The following RHD variants were observed in gnomAD, a reference collection of about 807,000 sequenced individuals.
RHD encodes the protein Rh blood group D antigen.
RHD carries 16 observed loss-of-function variants against 45.5 expected under a neutral mutation model. The observed-to-expected ratio is 0.35, with a 90% CI of 0.24 to 0.53. RHD has a LOEUF of 0.53. Ranked by LOEUF, RHD falls within the 20% of genes least tolerant of loss-of-function variation. The pLI is 0.92. For synonymous variants in RHD, 131 were observed against 217.5 expected (o/e 0.60, Z 3.50); for missense variants, 306 against 532.0 (o/e 0.58, Z 4.18).
At position 25,279,865 on chromosome 1, in the gene RHD, C is replaced by A. The variant is rs1641321990; in HGVS notation, c.149-4708C>A. 8.5e-5 allele frequency among the ~76,000 whole-genome samples: 11 copies of A among 129,936 alleles called. 3 individuals are homozygous for A. Among genetic ancestry groups the A allele is most frequent in the Admixed American group, 8.2e-4 (11 of 13,428 alleles). The allele number at this position is 129,936 out of a possible 152,430, so 85.2% of individuals were successfully genotyped here. A position where few individuals can be genotyped will look rare whatever the true frequency, so the allele number is the denominator to read the frequency against. Reference sequence around the variant, plus strand: ...GGGTAGCACATCCACTTCTTATCACCCCTGAACACCTTAGAGCCCATCAGC... The same window carrying A: ...GGGTAGCACATCCACTTCTTATCACACCTGAACACCTTAGAGCCCATCAGC... On this transcript the variant is annotated intron_variant, in intron 1 of 9. Transcript: ENST00000328664.
At position 25,294,243 on chromosome 1, in the gene RHD, A is replaced by G. The variant is rs979109166; in HGVS notation, c.486+3452A>G. On this transcript the variant is annotated intron_variant, in intron 3 of 9. Transcript: ENST00000328664. Reference sequence around the variant, plus strand: ...GAAATAGCAAAGCCCAGCAAAGGTTAAAGCTGAAAATGCCAAAAGCCCTGC... The same window carrying G: ...GAAATAGCAAAGCCCAGCAAAGGTTGAAGCTGAAAATGCCAAAAGCCCTGC... 946 of 897,010 alleles carry G rather than the reference A, an allele frequency of 1.1e-3. 172 individuals carry two copies. Among genetic ancestry groups the G allele is most frequent in the Non-Finnish European group, 1.6e-3 (851 of 543,818 alleles). The allele number at this position is 897,010 out of a possible 1,614,324, so 55.6% of individuals were successfully genotyped here.
chr1:25,304,706 A>C lies in RHD; in HGVS notation c.939+1247A>C, dbSNP rs1369243154. 11 of 132,326 alleles carry C rather than the reference A, an allele frequency of 8.3e-5. 2 individuals carry two copies. The highest frequency in any genetic ancestry group is 2.9e-4 in the African/African-American group (11 of 38,442). The allele number at this position is 132,326 out of a possible 1,614,324, so 8.2% of individuals were successfully genotyped here. ...GGATGGAACTGGAGGTAATTAAAAA[A>C]TAAAATTAAATAAGGAAAAACGTAT... On this transcript the variant is annotated intron_variant, in intron 6 of 9. Coordinates refer to ENST00000328664, the MANE Select transcript of RHD (RefSeq NM_016124.6).
rs1334633828 is a variant in RHD at position 25,277,824 on chromosome 1, G to A, written c.148+5129G>A. 4.0e-5 allele frequency among the ~76,000 whole-genome samples: 5 copies of A among 124,080 alleles called. 1 individual carries two copies. The highest frequency in any genetic ancestry group is 9.5e-5 in the Non-Finnish European group (5 of 52,712). The allele number at this position is 124,080 out of a possible 152,430, so 81.4% of individuals were successfully genotyped here. A position where few individuals can be genotyped will look rare whatever the true frequency, so the allele number is the denominator to read the frequency against. ...CGAGTAGCTGGGATTACAGGCATGC[G>A]CCACCACGCCCGGCTAATTTTGTAT... On this transcript the variant is annotated intron_variant, in intron 1 of 9. Coordinates refer to ENST00000328664, the MANE Select transcript of RHD (RefSeq NM_016124.6).
rs627585 is a variant in RHD, at chr1:25,304,949, G to C, written c.939+1490G>C. 3.0e-4 allele frequency: 39 copies of C among 131,894 alleles called. 7 individuals are homozygous for C. The highest frequency in any genetic ancestry group is 8.1e-4 in the African/African-American group (31 of 38,294). 8.2% of individuals were successfully genotyped at this position (131,894 alleles called of 1,614,324 possible). A position where few individuals can be genotyped will look rare whatever the true frequency, so the allele number is the denominator to read the frequency against. On this transcript the variant is annotated intron_variant, in intron 6 of 9. Coordinates refer to ENST00000328664, the MANE Select transcript of RHD (RefSeq NM_016124.6). ...TGGCAGGACTATTCAAAAATGATTC[G>C]CTCATTCATTCATATATTCATTCAT...
At chr1:25,308,432 C>G (rs1643963757) in intron 7 of RHD, among the ~76,000 whole-genome samples, 1 of 126,678 alleles carries the variant, frequency 7.9e-6, no homozygotes, top group Non-Finnish European at 1.8e-5. Flanking sequence ...CTTGCAAGCT[C>G]AAGTTTTAGA....
In RHD at chr1:25,312,946, A is replaced by AAAAAAAAAAC; in HGVS notation, c.1074-4053_1074-4044dup. 3.7e-5 allele frequency among the ~76,000 whole-genome samples: 4 copies of AAAAAAAAAAC among 109,510 alleles called. 1 individual carries two copies. The highest frequency in any genetic ancestry group is 5.9e-5 in the African/African-American group (2 of 33,872). 71.8% of individuals were successfully genotyped at this position (109,510 alleles called of 152,430 possible). ...AAAAAAAAAAAAAAAAAAAAAAAAA[A>AAAAAAAAAAC]AAAAAAAAACTTTAGTGCTATTGGA... On this transcript the variant is annotated intron_variant, in intron 7 of 9. Transcript: ENST00000328664.
Position 25,275,784 on chromosome 1 carries a change from T to C in RHD, c.148+3089T>C, listed in dbSNP as rs538661717. On this transcript the variant is annotated intron_variant, in intron 1 of 9. Coordinates refer to ENST00000328664, the MANE Select transcript of RHD (RefSeq NM_016124.6). ...TGAAAATTCACTCCTCAGAGTCTTC[T>C]TGATAATTTGAAATTGTCTTGATTG... Among the ~76,000 whole-genome samples, 527 of 132,880 alleles carry C rather than the reference T, an allele frequency of 4.0e-3. 39 individuals are homozygous for C. The highest frequency in any genetic ancestry group is 0.013 in the African/African-American group (512 of 38,944). The allele number at this position is 132,880 out of a possible 152,430, so 87.2% of individuals were successfully genotyped here.
Position 25,306,712 on chromosome 1 carries a change from C to G in RHD, c.1056C>G (p.Val352=), listed in dbSNP as rs751622039. Reference sequence around the variant, plus strand: ...TTGTGCTGCTGGTGCTTGATACCGTCGGAGCCGGCAATGGCATGTGGGTCA... The same window carrying G: ...TTGTGCTGCTGGTGCTTGATACCGTGGGAGCCGGCAATGGCATGTGGGTCA... ...IYIVLLVLDT[V]GAGNGMIGFQ... is the part of the protein sequence containing the mutation. Residue 352 remains valine, a synonymous_variant, in exon 7 of 10, where the codon GTC becomes GTG. Transcript: ENST00000328664. 1 of 1,377,854 alleles carries G rather than the reference C, an allele frequency of 7.3e-7. No homozygotes were observed. The allele number at this position is 1,377,854 out of a possible 1,614,324, so 85.4% of individuals were successfully genotyped here. A position where few individuals can be genotyped will look rare whatever the true frequency, so the allele number is the denominator to read the frequency against.
intron 7 of RHD, among the ~76,000 whole-genome samples, chr1:25,309,089 C>CT (rs1053241096): frequency 7.6e-6 from 1 of 131,618 alleles, no homozygotes; most frequent in Non-Finnish European, 1.8e-5. Flanking sequence ...TGTGGATTAG[C>CT]TACTTGGTGG....
intron 3 of RHD, among the ~76,000 whole-genome samples, chr1:25,295,628 T>G: frequency 9.6e-6 from 1 of 104,486 alleles, no homozygotes; most frequent in East Asian, 2.3e-4. Flanking sequence ...AGACGAGCGG[T>G]CAAGGAGCCG....
At chr1:25,300,377 T>A (rs1165521122) in intron 3 of RHD, among the ~76,000 whole-genome samples, 1 of 129,964 alleles carries the variant, frequency 7.7e-6, no homozygotes, top group East Asian at 2.0e-4. Context: ...CCAGGCATGG[T>A]TGTACATTCC....
At position 25,279,839 on chromosome 1, in the gene RHD, C is replaced by T. The variant is rs1337211621; in HGVS notation, c.149-4734C>T. 9.2e-5 allele frequency among the ~76,000 whole-genome samples: 12 copies of T among 130,588 alleles called. 4 individuals are homozygous for T. Among genetic ancestry groups the T allele is most frequent in the African/African-American group, 2.1e-4 (8 of 37,298 alleles). The allele number at this position is 130,588 out of a possible 152,430, so 85.7% of individuals were successfully genotyped here. A position where few individuals can be genotyped will look rare whatever the true frequency, so the allele number is the denominator to read the frequency against. On this transcript the variant is annotated intron_variant, in intron 1 of 9. Coordinates refer to ENST00000328664, the MANE Select transcript of RHD (RefSeq NM_016124.6). ...CCCTCTGGGTCCAGGCATGGGCGCC[C>T]GGGTAGCACATCCACTTCTTATCAC...
rs556700258 is a variant in RHD, at chr1:25,315,738, T to C, written c.1074-1262T>C. ...GTCTCCATCTCCTGACCTCATGATC[T>C]GCCCGCCTCGGCCTCCCAAAGTGTG... On this transcript the variant is annotated intron_variant, in intron 7 of 9. Transcript: ENST00000328664. Among the ~76,000 whole-genome samples the C allele has an allele frequency of 9.5e-4, 124 of 130,216 alleles. 27 individuals are homozygous for C. Among genetic ancestry groups the C allele is most frequent in the Admixed American group, 2.0e-3 (27 of 13,370 alleles). The allele number at this position is 130,216 out of a possible 152,430, so 85.4% of individuals were successfully genotyped here.
intron 8 of RHD, among the ~76,000 whole-genome samples, chr1:25,320,790 G>A (rs1479059004): frequency 1.5e-5 from 2 of 131,718 alleles, no homozygotes; most frequent in East Asian, 2.0e-4. Context: ...ACCTGTAATC[G>A]CAGCCATTTA....
chr1:25,287,565 G>T (rs1309805441), intron 2 of RHD, among the ~76,000 whole-genome samples: 2 of 135,008 alleles, frequency 1.5e-5, no homozygotes, highest in Middle Eastern at 4.1e-3. Flanking sequence ...TGTGCCACTT[G>T]ACTTGGGACT....
chr1:25,277,954 G>A (rs181923679), intron 1 of RHD, among the ~76,000 whole-genome samples: 5 of 133,318 alleles, frequency 3.8e-5, no homozygotes, highest in South Asian at 2.3e-4. Flanking sequence ...GATTACAGGC[G>A]TGAGCCACCG....
rs939403903 is a variant in RHD at position 25,330,390 on chromosome 1, G to A, written c.*1466G>A. The A allele has an allele frequency of 3.0e-5, 4 of 132,410 alleles. 1 individual carries two copies. Among genetic ancestry groups the A allele is most frequent in the African/African-American group, 1.0e-4 (4 of 38,824 alleles). 8.2% of individuals were successfully genotyped at this position (132,410 alleles called of 1,614,324 possible). A position where few individuals can be genotyped will look rare whatever the true frequency, so the allele number is the denominator to read the frequency against. ...TTCTTTGAAAATTCTGGCAGACCAAGGTTCTTTTTGTTTACATAATACTTG... is the reference window on the plus strand; with the variant it reads ...TTCTTTGAAAATTCTGGCAGACCAAAGTTCTTTTTGTTTACATAATACTTG... On this transcript the variant is annotated 3_prime_UTR_variant, in exon 10 of 10. Coordinates refer to ENST00000328664, the MANE Select transcript of RHD (RefSeq NM_016124.6).
rs181012487 is a variant in RHD, at chr1:25,278,289, G to A, written c.148+5594G>A. Among the ~76,000 whole-genome samples the A allele has an allele frequency of 5.5e-3, 719 of 130,682 alleles. 118 individuals carry two copies. The highest frequency in any genetic ancestry group is 0.039 in the Admixed American group (519 of 13,328). 85.7% of individuals were successfully genotyped at this position (130,682 alleles called of 152,430 possible). On this transcript the variant is annotated intron_variant, in intron 1 of 9. Coordinates refer to ENST00000328664, the MANE Select transcript of RHD (RefSeq NM_016124.6). ...AGACAGAAGGGGAGGGACAGGTTGT[G>A]AGGATGAATGAACAATGATATGTTC...
At chr1:25,301,186 A>G (rs879113027) in intron 4 of RHD, 93 bp downstream of exon 4, 3 of 1,151,082 alleles carry the variant, frequency 2.6e-6, no homozygotes, top group South Asian at 2.5e-5. Context: ...TCCTTTACCA[A>G]GTTCCCCTGG....
Sources: gnomAD v4.1 joint callset for allele counts (sites outside exome capture counted in the v4.1 genomes callset) on GRCh38, gnomAD v4.1.1 for gene constraint, MANE v1.5 for transcripts, NCBI Gene and HGNC (gene_info 2026-07-23, HGNC 2026-07-21) for gene names.